Variants in CCDC7 observed in about 807,000 individuals in gnomAD.
CCDC7 encodes the protein coiled-coil domain-containing protein 7.
A neutral mutation model predicts 196.9 loss-of-function variants in CCDC7; 183 were observed. The ratio of observed to expected loss-of-function variants is 0.93; its 90% CI spans 0.82 to 1.05. CCDC7 has a LOEUF of 1.05. Among genes scored for constraint, CCDC7 ranks in the 50% least tolerant of loss-of-function variants. The pLI is 0.00. For synonymous variants in CCDC7, 525 were observed against 484.6 expected, an observed-to-expected ratio of 1.08 and a Z score of -1.10; for missense variants, 1,540 against 1,482.2, an observed-to-expected ratio of 1.04 and a Z score of -0.64.
At chr10:32,461,727 A>ATG (rs1189809173) in intron 3 of CCDC7, among the ~76,000 whole-genome samples, 282 of 26,654 alleles carry the variant, frequency 0.011, 2 homozygotes, top group African/African-American at 0.026. Context: ...ATATATATAT[A>ATG]TATGTATATA....
intron 20 of CCDC7, among the ~76,000 whole-genome samples, chr10:32,636,219 CT>C (rs951529572): frequency 2.6e-5 from 4 of 151,820 alleles, no homozygotes; most frequent in Non-Finnish European, 2.9e-5. Flanking sequence ...TCATTTAGTT[CT>C]TTTTTTTATT....
chr10:32,705,869 G>C (rs376481172), intron 24 of CCDC7, among the ~76,000 whole-genome samples: 1 of 152,054 alleles, frequency 6.6e-6, no homozygotes, highest in South Asian at 2.1e-4. Context: ...CAATAACAAT[G>C]GGAGACTTTA....
chr10:32,516,079 C>G (rs980267164), intron 9 of CCDC7, among the ~76,000 whole-genome samples: 1 of 151,518 alleles, frequency 6.6e-6, no homozygotes, highest in African/African-American at 2.4e-5. Flanking sequence ...TGAAAAAAAA[C>G]CACTCATAGA....
intron 9 of CCDC7, chr10:32,511,827 C>G: frequency 1.2e-6 from 1 of 831,550 alleles, no homozygotes. Flanking sequence ...TCTGCCCGCG[C>G]CACCAGCGGC....
At chr10:32,650,338 A>G (rs996701756) in intron 20 of CCDC7, among the ~76,000 whole-genome samples, 2 of 152,216 alleles carry the variant, frequency 1.3e-5, no homozygotes, top group African/African-American at 2.4e-5. Flanking sequence ...AGCAATGAGC[A>G]GTAGATAGGC....
intron 24 of CCDC7, among the ~76,000 whole-genome samples, chr10:32,701,365 G>A (rs921436568): frequency 5.3e-5 from 8 of 152,202 alleles, no homozygotes; most frequent in Non-Finnish European, 1.0e-4. Context: ...CAGGGATGAA[G>A]CCCATTTGAT....
intron 29 of CCDC7, among the ~76,000 whole-genome samples, chr10:32,784,140 T>C (rs886838634): frequency 3.3e-5 from 5 of 152,206 alleles, no homozygotes; most frequent in African/African-American, 1.2e-4. Context: ...TAATAAATTT[T>C]ATATTATGTA....
intron 33 of CCDC7, among the ~76,000 whole-genome samples, chr10:32,836,453 A>C (rs965830931): frequency 6.6e-6 from 1 of 152,200 alleles, no homozygotes; most frequent in Non-Finnish European, 1.5e-5. Flanking sequence ...TTGAGGAATC[A>C]CCACACTGAC....
At chr10:32,495,405 T>C (rs1366946835) in intron 9 of CCDC7, among the ~76,000 whole-genome samples, 1 of 152,226 alleles carries the variant, frequency 6.6e-6, no homozygotes, top group Non-Finnish European at 1.5e-5. Context: ...TTAGATCCCA[T>C]TTGTCAATTT....
downstream of CCDC7, among the ~76,000 whole-genome samples, chr10:32,881,968 T>C (rs1008325447): frequency 2.0e-4 from 30 of 152,150 alleles, no homozygotes; most frequent in African/African-American, 7.2e-4. Context: ...AAGCAACAGA[T>C]AAAGGGTGGG....
intron 24 of CCDC7, among the ~76,000 whole-genome samples, chr10:32,704,480 A>G (rs2079346945): frequency 6.6e-6 from 1 of 152,138 alleles, no homozygotes; most frequent in Non-Finnish European, 1.5e-5. Context: ...GGAGGCAGTC[A>G]GTCCATTCTC....
At chr10:32,443,933 C>T (rs1171577336), upstream of CCDC7, among the ~76,000 whole-genome samples, 1 of 152,054 alleles carries the variant, frequency 6.6e-6, no homozygotes, top group Non-Finnish European at 1.5e-5. Context: ...TCTTCTAATC[C>T]ATTAATATGG....
intron 29 of CCDC7, among the ~76,000 whole-genome samples, chr10:32,782,567 G>T (rs1234137625): frequency 6.6e-6 from 1 of 152,124 alleles, no homozygotes; most frequent in East Asian, 1.9e-4. Flanking sequence ...TACCCAAAGT[G>T]ATCTACACCT....
chr10:32,443,794 T>C (rs184601436), upstream of CCDC7, among the ~76,000 whole-genome samples: 21 of 152,350 alleles, frequency 1.4e-4, no homozygotes, highest in East Asian at 2.9e-3. Context: ...CATTTCCATA[T>C]AAATTGCAAA....
intron 28 of CCDC7, among the ~76,000 whole-genome samples, chr10:32,735,919 GA>G (rs2084783382): frequency 6.6e-6 from 1 of 152,078 alleles, no homozygotes; most frequent in Non-Finnish European, 1.5e-5. Flanking sequence ...ATCACTTGTT[GA>G]AAAGAGTCCT....
chr10:32,881,747 C>G (rs1178419658), downstream of CCDC7, among the ~76,000 whole-genome samples: 1 of 152,062 alleles, frequency 6.6e-6, no homozygotes, highest in Non-Finnish European at 1.5e-5. Flanking sequence ...CCACACCCCA[C>G]AATTACAGGC....
intron 29 of CCDC7, among the ~76,000 whole-genome samples, chr10:32,804,446 T>G (rs2085410690): frequency 6.6e-6 from 1 of 152,166 alleles, no homozygotes; most frequent in African/African-American, 2.4e-5. Context: ...CAAGATATCT[T>G]ATTATTTTCC....
chr10:32,598,312 G>A (rs559023013), intron 18 of CCDC7, among the ~76,000 whole-genome samples: 8 of 152,324 alleles, frequency 5.3e-5, no homozygotes, highest in Admixed American at 2.0e-4. Context: ...GTCAGGCACG[G>A]GATATAATCT....
Position 32,486,990 on chromosome 10 carries a change from G to C in CCDC7, c.797-4932G>C, listed in dbSNP as rs547812284. On this transcript the variant is annotated intron_variant, in intron 8 of 41. Coordinates refer to ENST00000639629, the Ensembl canonical transcript of CCDC7. ...ATGTCTTGGAGTTGCTGTTCTCGAG[G>C]AATGTCTTTGTGGTGTTCTCTGTGT... 3.9e-5 allele frequency among the ~76,000 whole-genome samples: 6 copies of C among 152,066 alleles called. No individual in the cohort carries two copies. The East Asian group carries it at 1.2e-3, about 30-fold the overall frequency.
Sources: allele counts gnomAD v4.1 joint callset (sites outside exome capture counted in the v4.1 genomes callset), GRCh38; gene constraint gnomAD v4.1.1; transcripts MANE v1.5; gene names NCBI Gene and HGNC (gene_info 2026-07-23, HGNC 2026-07-21).